Variants in PPARD observed in about 807,000 individuals in gnomAD.
PPARD encodes the protein peroxisome proliferator activated receptor delta, also known as peroxisome proliferator-activated receptor delta.
In PPARD, 6 loss-of-function variants were observed where a neutral mutation model predicts 39.5. The ratio of observed to expected loss-of-function variants is 0.15; its 90% CI spans 0.08 to 0.30. PPARD has a LOEUF of 0.30. Ranked by LOEUF, PPARD falls within the 10% of genes least tolerant of loss-of-function variation. The pLI is 1.00. For synonymous variants in PPARD, 210 were observed against 231.3 expected, an observed-to-expected ratio of 0.91 and a Z score of 0.83; for missense variants, 397 against 596.8, an observed-to-expected ratio of 0.67 and a Z score of 3.49.
In PPARD at chr6:35,425,312, T is replaced by C. The variant is rs200840489; in HGVS notation, c.1079-520T>C. ...AGGACTAACAGGCAGTATGCTGTCA[T>C]GTTAATGTGGGGTGGAAAAATTGTC... On this transcript the variant is annotated intron_variant, in intron 7 of 7. Transcript: ENST00000360694. This position sits in a 1 kb window ranked among gnomAD's most constrained non-coding sequence, Gnocchi z 4.5. 3 of 1,004,816 alleles carry C rather than the reference T, an allele frequency of 3.0e-6. No individual in the cohort carries two copies. The highest frequency in any genetic ancestry group is 2.4e-6 in the Non-Finnish European group (2 of 841,084). The allele number at this position is 1,004,816 out of a possible 1,614,324, so 62.2% of individuals were successfully genotyped here.
intron 2 of PPARD, among the ~76,000 whole-genome samples, chr6:35,352,334 C>G (rs577559826): frequency 6.6e-6 from 1 of 152,090 alleles, no homozygotes; most frequent in Non-Finnish European, 1.5e-5. Flanking sequence ...CAGGCGCGCA[C>G]CCCAATGCCC....
chr6:35,349,798 A>G (rs1420843292), intron 2 of PPARD, among the ~76,000 whole-genome samples: 5 of 151,792 alleles, frequency 3.3e-5, no homozygotes, highest in African/African-American at 1.2e-4. Context: ...CTGGAGAGCA[A>G]TGGCACAATC....
intron 4 of PPARD, among the ~76,000 whole-genome samples, chr6:35,420,818 G>GTTT (rs770642690): frequency 6.2e-5 from 3 of 48,666 alleles, no homozygotes; most frequent in Non-Finnish European, 1.3e-4. Context: ...TAACAAAGAA[G>GTTT]CTTTTTTTTT....
chr6:35,374,515 G>A (rs1762685744), intron 2 of PPARD, among the ~76,000 whole-genome samples: 1 of 151,712 alleles, frequency 6.6e-6, no homozygotes, highest in Admixed American at 6.6e-5. Flanking sequence ...AAAATTAGCC[G>A]GGCATGGTGG....
rs539175409 is a variant in PPARD at position 35,343,107 on chromosome 6, T to C, written c.-186+426T>C. Among the ~76,000 whole-genome samples, 4 of 150,710 alleles carry C rather than the reference T, an allele frequency of 2.7e-5. No individual in the cohort carries two copies. The South Asian group carries it at 8.3e-4, about 31-fold the overall frequency. ...CCGTTTCTGGTGTTCCTGAATCCACTGCCCTATCTAGCGAGAGTCTTCTCT... is the reference window on the plus strand; with the variant it reads ...CCGTTTCTGGTGTTCCTGAATCCACCGCCCTATCTAGCGAGAGTCTTCTCT... On this transcript the variant is annotated intron_variant, in intron 1 of 7. Coordinates refer to ENST00000360694, the MANE Select transcript of PPARD (RefSeq NM_006238.5).
chr6:35,410,152 G>C (rs945925717), intron 2 of PPARD, among the ~76,000 whole-genome samples: 2 of 152,166 alleles, frequency 1.3e-5, no homozygotes, highest in African/African-American at 2.4e-5. Flanking sequence ...TCTGAGAGTT[G>C]GGGTCCCACA....
rs1416262639 is a variant in PPARD at position 35,427,912 on chromosome 6, AC to A, written c.*1836del. 1 of 152,408 alleles carries A rather than the reference AC, an allele frequency of 6.6e-6. No homozygotes were observed. The highest frequency in any genetic ancestry group is 2.1e-4 in the South Asian group (1 of 4,800). The allele number at this position is 152,408 out of a possible 1,614,324, so 9.4% of individuals were successfully genotyped here. On this transcript the variant is annotated 3_prime_UTR_variant, in exon 8 of 8. Coordinates refer to ENST00000360694, the MANE Select transcript of PPARD (RefSeq NM_006238.5). ...GCAGGATTCTTCCCGCTCCCCACCT[AC>A]CCAGCTGATGGGGGTTGGGGTGCTT...
Position 35,426,193 on chromosome 6 carries a change from C to G in PPARD, c.*114C>G, listed in dbSNP as rs1766565264. ...GCACCCGGCCTGGAGCAGCAGAGTCCCACGATCGCCCTCAGACACATGACA... is the reference window on the plus strand; with the variant it reads ...GCACCCGGCCTGGAGCAGCAGAGTCGCACGATCGCCCTCAGACACATGACA... On this transcript the variant is annotated 3_prime_UTR_variant, in exon 8 of 8. Transcript: ENST00000360694. 7.1e-7 allele frequency: 1 copy of G among 1,414,006 alleles called. No individual in the cohort carries two copies. The highest frequency in any genetic ancestry group is 1.4e-5 in the African/African-American group (1 of 70,210). The allele number at this position is 1,414,006 out of a possible 1,614,324, so 87.6% of individuals were successfully genotyped here.
chr6:35,344,288 T>C (rs951883855), intron 1 of PPARD, among the ~76,000 whole-genome samples: 24 of 152,110 alleles, frequency 1.6e-4, no homozygotes, highest in African/African-American at 5.6e-4. Flanking sequence ...CCCAGAGCTC[T>C]GTTCCCTTTG....
intron 2 of PPARD, among the ~76,000 whole-genome samples, chr6:35,364,106 A>G (rs1313920947): frequency 6.6e-6 from 1 of 152,024 alleles, no homozygotes; most frequent in Non-Finnish European, 1.5e-5. Flanking sequence ...TCCCTTCTCT[A>G]TGGCTTTCCC....
intron 2 of PPARD, among the ~76,000 whole-genome samples, chr6:35,387,650 G>GT (rs1290421597): frequency 9.2e-4 from 128 of 139,216 alleles, no homozygotes; most frequent in African/African-American, 2.2e-3. Flanking sequence ...CACCTAGTTG[G>GT]TTTTTTTTTT....
Position 35,380,482 on chromosome 6 carries a change from T to G in PPARD, c.-101-30505T>G, listed in dbSNP as rs1379355401. Among the ~76,000 whole-genome samples, 40 of 117,624 alleles carry G rather than the reference T, an allele frequency of 3.4e-4. 1 individual carries two copies. Among genetic ancestry groups the G allele is most frequent in the African/African-American group, 5.7e-4 (13 of 22,746 alleles). 77.2% of individuals were successfully genotyped at this position (117,624 alleles called of 152,430 possible). A position where few individuals can be genotyped will look rare whatever the true frequency, so the allele number is the denominator to read the frequency against. On this transcript the variant is annotated intron_variant, in intron 2 of 7. Coordinates refer to ENST00000360694, the MANE Select transcript of PPARD (RefSeq NM_006238.5). ...GTGTTTTTTTTTTTTGTTTGTTTTT[T>G]TTTTTTTTTTTTTTTTTTTTTTTTG...
intron 2 of PPARD, among the ~76,000 whole-genome samples, chr6:35,361,664 G>C (rs1761934677): frequency 6.6e-6 from 1 of 152,190 alleles, no homozygotes; most frequent in Non-Finnish European, 1.5e-5. Flanking sequence ...GCCAGCCCCT[G>C]CCTGGGCCCT....
chr6:35,355,327 G>C (rs1310741513), intron 2 of PPARD, among the ~76,000 whole-genome samples: 1 of 151,896 alleles, frequency 6.6e-6, no homozygotes, highest in African/African-American at 2.4e-5. Flanking sequence ...GCGCACACCT[G>C]TAGTCCCAGC....
rs1762036849 is a variant in PPARD, at chr6:35,363,596, A to G, written c.-102+16446A>G. The stretch of plus-strand genomic sequence containing the variant: ...TCTGAGTAGGTGGTGTGGACCCACC[A>G]GGAAAGGGTGGATCCAGTGAGGCGG... On this transcript the variant is annotated intron_variant, in intron 2 of 7. Transcript: ENST00000360694. The surrounding 1 kb of genome is among the most constrained non-coding windows in gnomAD (Gnocchi z 4.5). Among the ~76,000 whole-genome samples the G allele has an allele frequency of 6.6e-6, 1 of 152,124 alleles. No individual in the cohort carries two copies. Among genetic ancestry groups the G allele is most frequent in the South Asian group, 2.1e-4 (1 of 4,826 alleles).
At chr6:35,383,705 C>T (rs1321140966) in intron 2 of PPARD, among the ~76,000 whole-genome samples, 4 of 141,506 alleles carry the variant, frequency 2.8e-5, no homozygotes, top group African/African-American at 1.2e-4. Flanking sequence ...GTGAGGAGCA[C>T]CTCTGCCCGG....
chr6:35,368,973 AC>A (rs1168723603), intron 2 of PPARD, among the ~76,000 whole-genome samples: 1 of 152,168 alleles, frequency 6.6e-6, no homozygotes, highest in African/African-American at 2.4e-5. Flanking sequence ...GAAGAATATG[AC>A]AACCCTAGAG....
Position 35,426,096 on chromosome 6 carries a change from T to C in PPARD, c.*17T>C. On this transcript the variant is annotated 3_prime_UTR_variant, in exon 8 of 8. Coordinates refer to ENST00000360694, the MANE Select transcript of PPARD (RefSeq NM_006238.5). ...ATGTACTAACGGCGGCACCCAGGCC[T>C]CCCTGCAGACTCCAATGGGGCCAGC... The C allele has an allele frequency of 6.2e-7, 1 of 1,606,172 alleles. No individual in the cohort carries two copies.
At chr6:35,405,490 A>G (rs1414291167) in intron 2 of PPARD, among the ~76,000 whole-genome samples, 2 of 151,658 alleles carry the variant, frequency 1.3e-5, no homozygotes, top group Non-Finnish European at 2.9e-5. Flanking sequence ...AAGCTGTGAC[A>G]TGATCAGAGG....
Sources: allele counts gnomAD v4.1 joint callset (sites outside exome capture counted in the v4.1 genomes callset), GRCh38; gene constraint gnomAD v4.1.1; non-coding constraint Gnocchi (gnomAD v3.1); transcripts MANE v1.5; gene names NCBI Gene and HGNC (gene_info 2026-07-23, HGNC 2026-07-21).